The following DHX9 variants were observed in gnomAD, a reference collection of about 807,000 sequenced individuals.
DHX9 encodes the protein ATP-dependent RNA helicase A.
A neutral mutation model predicts 148.7 loss-of-function variants in DHX9; 27 were observed. That is an observed-to-expected ratio of 0.18 (90% CI 0.13 to 0.25). The LOEUF is 0.25. DHX9 is among the 10% of genes least tolerant of loss of function. The pLI is 1.00. For synonymous variants in DHX9, 529 were observed against 516.6 expected (o/e 1.02, Z -0.33); for missense variants, 796 against 1,559.6 (o/e 0.51, Z 8.25).
intron 7 of DHX9, among the ~76,000 whole-genome samples, chr1:182,857,579 A>G (rs1428741873): frequency 1.3e-5 from 2 of 152,194 alleles, no homozygotes; most frequent in African/African-American, 2.4e-5. Context: ...TCCCAGTCCT[A>G]TGGTTTATCA....
chr1:182,855,701 G>A, intron 6 of DHX9: 1 of 985,374 alleles, frequency 1.0e-6, no homozygotes, highest in Non-Finnish European at 1.2e-6. Context: ...CCCTGAAGCC[G>A]CTGTGCCTGA....
chr1:182,859,522 A>G (rs1437540420), intron 11 of DHX9, among the ~76,000 whole-genome samples: 4 of 152,230 alleles, frequency 2.6e-5, no homozygotes, highest in African/African-American at 9.6e-5. Context: ...TATTAGAGAT[A>G]TAAATATACA....
intron 6 of DHX9, chr1:182,855,660 G>A (rs1427182820): frequency 1.0e-6 from 1 of 985,386 alleles, no homozygotes; most frequent in Non-Finnish European, 1.2e-6. Context: ...AAGGGTGGAT[G>A]TTGTTCCCCT....
chr1:182,876,658 A>G, intron 18 of DHX9, 117 bp downstream of exon 18: 1 of 1,023,432 alleles, frequency 9.8e-7, no homozygotes, highest in Non-Finnish European at 1.5e-6. Context: ...AGGAAGAAAA[A>G]AGGAGTCTTC....
At chr1:182,877,964 A>G (rs1648894341) in intron 19 of DHX9, 57 bp from the exon 20 acceptor site, 3 of 1,588,704 alleles carry the variant, frequency 1.9e-6, no homozygotes, top group East Asian at 2.3e-5. Context: ...TAGTGGATAT[A>G]TAATAGTTAT....
At position 182,840,178 on chromosome 1, in the gene DHX9, T is replaced by C. The variant is rs186256187; in HGVS notation, c.-23+722T>C. 2.0e-3 allele frequency among the ~76,000 whole-genome samples: 308 copies of C among 151,864 alleles called. 1 individual carries two copies. The highest frequency in any genetic ancestry group is 4.0e-3 in the South Asian group (19 of 4,810). The stretch of plus-strand genomic sequence containing the variant: ...ATATTTCACTAGCCCGGGTGTGCAG[T>C]AGTGGTGGCAGGAGAGATGGGGAGA... On this transcript the variant is annotated intron_variant, in intron 1 of 27. Coordinates refer to ENST00000367549, the MANE Select transcript of DHX9 (RefSeq NM_001357.5).
chr1:182,861,769 T>C (rs1486428885), intron 12 of DHX9, among the ~76,000 whole-genome samples: 1 of 152,250 alleles, frequency 6.6e-6, no homozygotes, highest in African/African-American at 2.4e-5. Context: ...TTATAACTCA[T>C]ATTGCATCTA....
chr1:182,844,843 A>AGT (rs1667999055), intron 3 of DHX9, among the ~76,000 whole-genome samples: 1 of 151,746 alleles, frequency 6.6e-6, no homozygotes. Flanking sequence ...TTGTGTTTTT[A>AGT]GTAGAGACAG....
Position 182,876,832 on chromosome 1 carries a change from T to C in DHX9, c.2127T>C (p.Val709=). 6.2e-7 allele frequency: 1 copy of C among 1,609,770 alleles called. No homozygotes were observed. ...FDPVPVGVTK[V]ILSTNIAETS... is the part of the protein sequence containing the mutation. ...GTGTAATTTTTCTTTCTTCACAGGT[T>C]ATTTTGTCCACAAATATTGCTGAAA... Residue 709 remains valine, a splice_region_variant and synonymous_variant, in exon 19 of 28, where the codon GTT becomes GTC. Transcript: ENST00000367549.
Position 182,876,178 on chromosome 1 carries a change from T to C in DHX9, c.1944T>C (p.Asn648=). ...TACTTAAGTACATTGAAACCCTTAA[T>C]GTTCCTGGAGCTGTGTTGGTTTTTT... ...EALLKYIETL[N]VPGAVLVFLP... is the part of the protein sequence containing the mutation. The change falls in exon 17 of 28, where the codon AAT becomes AAC. Residue 648 remains asparagine (N), a synonymous_variant. Transcript: ENST00000367549. The C allele has an allele frequency of 6.2e-7, 1 of 1,614,062 alleles. No individual in the cohort carries two copies. Among genetic ancestry groups the C allele is most frequent in the South Asian group, 1.1e-5 (1 of 91,086 alleles).
Position 182,887,106 on chromosome 1 carries a change from C to G in DHX9, c.3485C>G (p.Pro1162Arg). 1 of 1,614,124 alleles carries G rather than the reference C, an allele frequency of 6.2e-7. No homozygotes were observed. The highest frequency in any genetic ancestry group is 8.5e-7 in the Non-Finnish European group (1 of 1,180,010). Residue 1162 changes from proline (P) to arginine (R), a missense_variant, in exon 28 of 28, where the codon CCC (proline) becomes CGC (arginine). Around this residue, in one of 14 missense-constraint regions of DHX9, gnomAD observed 86 missense variants for 156.3 expected, o/e 0.55. Transcript: ENST00000367549. The part of the protein sequence containing the change: ...STRYGDGPRP[P>R]KMARYDNGSG... ...AGGTATGGAGATGGTCCACGTCCTC[C>G]CAAGATGGCCCGATACGACAATGGA... is the stretch of plus-strand genomic sequence containing the variant.
intron 27 of DHX9, among the ~76,000 whole-genome samples, chr1:182,886,862 A>G (rs796214124): frequency 2.8e-4 from 42 of 152,348 alleles, no homozygotes; most frequent in African/African-American, 1.0e-3. Flanking sequence ...TACTGCCAAA[A>G]TTCAAAACCT....
rs1353193256 is a variant in DHX9 at position 182,852,357 on chromosome 1, A to AATCC, written c.364+16_364+19dup. The AATCC allele has an allele frequency of 6.4e-7, 1 of 1,556,826 alleles. No individual in the cohort carries two copies. Among genetic ancestry groups the AATCC allele is most frequent in the East Asian group, 2.3e-5 (1 of 44,366 alleles). On this transcript the variant is annotated intron_variant, in intron 4 of 27. Coordinates refer to ENST00000367549, the MANE Select transcript of DHX9 (RefSeq NM_001357.5). ...GCTCTCAAAGCAGGTAAGGGACTTG[A>AATCC]ATCCATGCACGTGGTGGAGAATAAG... is the stretch of plus-strand genomic sequence containing the variant.
Position 182,858,227 on chromosome 1 carries a change from A to T in DHX9, c.797A>T (p.Lys266Met), listed in dbSNP as rs1441225171. Residue 266 changes from lysine to methionine, a missense_variant, in exon 8 of 28, where the codon AAG (lysine) becomes ATG (methionine). Around this residue, in one of 14 missense-constraint regions of DHX9, gnomAD observed 63 missense variants for 78.6 expected, o/e 0.80. Transcript: ENST00000367549. ...VEAYSGLTKKKEGETVEPYKV... is the reference protein window; with the variant it reads ...VEAYSGLTKKMEGETVEPYKV... ...GCTTACTCCGGACTTACAAAGAAGA[A>T]GGAAGGAGAGACAGTGAGTCTTTAG... 1 of 1,613,480 alleles carries T rather than the reference A, an allele frequency of 6.2e-7. No individual in the cohort carries two copies. The highest frequency in any genetic ancestry group is 1.1e-5 in the South Asian group (1 of 90,870).
At position 182,866,878 on chromosome 1, in the gene DHX9, C is replaced by T. The variant is rs181619480; in HGVS notation, c.1475-83C>T. The T allele has an allele frequency of 1.2e-5, 12 of 1,034,330 alleles. No homozygotes were observed. In the Admixed American group the frequency reaches 2.8e-4, roughly 25 times the overall value. The allele number at this position is 1,034,330 out of a possible 1,614,324, so 64.1% of individuals were successfully genotyped here. A position where few individuals can be genotyped will look rare whatever the true frequency, so the allele number is the denominator to read the frequency against. ...TTATTTTCTAAAATGATGCTGGGGT[C>T]TCTTAGTTGAAATATAGATAATTGT... On this transcript the variant is annotated intron_variant, in intron 13 of 27. Transcript: ENST00000367549.
At position 182,887,078 on chromosome 1, in the gene DHX9, C is replaced by T. The variant is rs764622166; in HGVS notation, c.3462-5C>T. On this transcript the variant is annotated splice_polypyrimidine_tract_variant and splice_region_variant and intron_variant, in intron 27 of 27. Coordinates refer to ENST00000367549, the MANE Select transcript of DHX9 (RefSeq NM_001357.5). The stretch of plus-strand genomic sequence containing the variant: ...GCTAAAGTGATGGTTTTGTGCTTTT[C>T]CTAGGTATGGAGATGGTCCACGTCC... 3 of 1,610,630 alleles carry T rather than the reference C, an allele frequency of 1.9e-6. No individual in the cohort carries two copies. Among genetic ancestry groups the T allele is most frequent in the Non-Finnish European group, 1.7e-6 (2 of 1,177,004 alleles).
At chr1:182,845,921 C>G (rs573770476) in intron 3 of DHX9, among the ~76,000 whole-genome samples, 2 of 152,202 alleles carry the variant, frequency 1.3e-5, no homozygotes, top group African/African-American at 4.8e-5. Context: ...TCCACCTGTT[C>G]GGCCATTTGG....
At chr1:182,857,914 T>C (rs745858131) in intron 7 of DHX9, among the ~76,000 whole-genome samples, 190 bp from the exon 8 acceptor site, 1 of 152,250 alleles carries the variant, frequency 6.6e-6, no homozygotes, top group Non-Finnish European at 1.5e-5. Flanking sequence ...CTGTTGGTTA[T>C]TTAGTTGATA....
chr1:182,875,082 C>A, intron 16 of DHX9, 128 bp downstream of exon 16: 1 of 788,116 alleles, frequency 1.3e-6, no homozygotes, highest in Non-Finnish European at 2.2e-6. Context: ...GTAATGTCTG[C>A]CTTTGGATTA....
Sources: allele counts gnomAD v4.1 joint callset (sites outside exome capture counted in the v4.1 genomes callset), GRCh38; gene constraint gnomAD v4.1.1; regional missense constraint gnomAD v4.1.1; transcripts MANE v1.5; gene names NCBI Gene and HGNC (gene_info 2026-07-23, HGNC 2026-07-21).